The following CTNNA2 variants were observed in gnomAD, a reference collection of about 807,000 sequenced individuals.
The protein encoded by CTNNA2 is catenin alpha 2, also known as catenin alpha-2.
CTNNA2 carries 42 observed loss-of-function variants against 101.0 expected under a neutral mutation model. That is an observed-to-expected ratio of 0.42 (90% CI 0.32 to 0.54). The LOEUF (loss-of-function observed/expected upper bound fraction) is 0.54. Ranked by LOEUF, CTNNA2 falls within the 20% of genes least tolerant of loss-of-function variation. The pLI is 0.14. For synonymous variants in CTNNA2, 450 were observed against 456.4 expected, an observed-to-expected ratio of 0.99 and a Z score of 0.18; for missense variants, 871 against 1,223.1, an observed-to-expected ratio of 0.71 and a Z score of 4.29.
At chr2:80,028,042 C>A (rs1413196209) in intron 7 of CTNNA2, 1 of 146,328 alleles carries the variant, frequency 6.8e-6, no homozygotes, top group Non-Finnish European at 1.5e-5. Flanking sequence ...TTAGTAACTT[C>A]ATGTAAGAGA....
chr2:79,688,508 A>G (rs185032284), intron 2 of CTNNA2, among the ~76,000 whole-genome samples: 280 of 152,180 alleles, frequency 1.8e-3, no homozygotes, highest in Middle Eastern at 0.01. Context: ...ATATGTATAT[A>G]TGTATGTAGT....
Position 80,647,540 on chromosome 2 carries a change from G to A in CTNNA2, c.2575-45G>A. The A allele has an allele frequency of 5.5e-6, 8 of 1,450,022 alleles. No homozygotes were observed. The South Asian group carries it at 7.1e-5, about 13-fold the overall frequency. The allele number at this position is 1,450,022 out of a possible 1,614,324, so 89.8% of individuals were successfully genotyped here. A position where few individuals can be genotyped will look rare whatever the true frequency, so the allele number is the denominator to read the frequency against. On this transcript the variant is annotated intron_variant, in intron 18 of 18. Coordinates refer to ENST00000402739, the MANE Select transcript of CTNNA2 (RefSeq NM_001282597.3). ...AGTACATCACCATTTTGTGAATTTG[G>A]GGCCTCCATTAACCCACATGTATCT...
chr2:79,354,337 A>T (rs1364999305), intron 3 of CTNNA2, among the ~76,000 whole-genome samples: 2 of 152,168 alleles, frequency 1.3e-5, no homozygotes. Flanking sequence ...TGGCTTCTGT[A>T]CATAATCTCA....
chr2:79,982,472 TACACACACAC>T (rs60316453), intron 7 of CTNNA2, among the ~76,000 whole-genome samples: 5 of 139,716 alleles, frequency 3.6e-5, no homozygotes, highest in African/African-American at 1.3e-4. Context: ...GACTCCTAAC[TACACACACAC>T]ACACACACAC....
chr2:79,220,937 TAAAC>T (rs1316761930), intron 2 of CTNNA2, among the ~76,000 whole-genome samples: 4 of 152,258 alleles, frequency 2.6e-5, no homozygotes, highest in South Asian at 2.1e-4. Flanking sequence ...TACTGAGAAA[TAAAC>T]AAGCAATAAA....
intron 17 of CTNNA2, among the ~76,000 whole-genome samples, 155 bp from the exon 18 acceptor site, chr2:80,618,930 T>C (rs1203912841): frequency 6.6e-6 from 1 of 151,792 alleles, no homozygotes; most frequent in African/African-American, 2.4e-5. Flanking sequence ...CCCATATGTA[T>C]ATCTCTTTCA....
intron 2 of CTNNA2, among the ~76,000 whole-genome samples, chr2:79,277,635 A>G (rs1675247642): frequency 6.6e-6 from 1 of 152,128 alleles, no homozygotes; most frequent in South Asian, 2.1e-4. Flanking sequence ...CTCATTTTAC[A>G]CATTAAAAAA....
At chr2:79,342,600 C>T (rs781605776) in intron 3 of CTNNA2, among the ~76,000 whole-genome samples, 68 of 152,240 alleles carry the variant, frequency 4.5e-4, no homozygotes, top group Admixed American at 1.6e-3. Flanking sequence ...TCTAGGGGTA[C>T]ATTTGCAATT....
chr2:80,061,136 C>G (rs1037601656), intron 7 of CTNNA2, among the ~76,000 whole-genome samples: 1 of 152,048 alleles, frequency 6.6e-6, no homozygotes, highest in Admixed American at 6.6e-5. Context: ...CCCAGGTAAC[C>G]TAAAGACAAG....
chr2:79,551,193 A>G (rs552540038), intron 1 of CTNNA2, among the ~76,000 whole-genome samples: 2 of 152,314 alleles, frequency 1.3e-5, no homozygotes, highest in Non-Finnish European at 2.9e-5. Flanking sequence ...AGATAGACCC[A>G]GGAAAAAGAA....
chr2:79,744,419 C>T lies in CTNNA2; in HGVS notation c.135C>T (p.Gly45=). Residue 45 remains glycine, a synonymous_variant, in exon 3 of 19, where the codon GGC becomes GGT. Coordinates refer to ENST00000402739, the MANE Select transcript of CTNNA2 (RefSeq NM_001282597.3). ...CACTTGTCAACACAAGCAACAAAGG[C>T]CCATCTGGTAAAAAGAAAGGGAGGT... ...VTTLVNTSNK[G]PSGKKKGRSK... 1 of 1,613,652 alleles carries T rather than the reference C, an allele frequency of 6.2e-7. No homozygotes were observed. Among genetic ancestry groups the T allele is most frequent in the Non-Finnish European group, 8.5e-7 (1 of 1,179,848 alleles).
chr2:79,909,897 G>T, intron 7 of CTNNA2, 100 bp downstream of exon 7: 2 of 1,225,710 alleles, frequency 1.6e-6, no homozygotes, highest in Non-Finnish European at 2.2e-6. Flanking sequence ...GAACAGACCA[G>T]GTGTTTACCA....
intron 7 of CTNNA2, among the ~76,000 whole-genome samples, chr2:80,372,942 C>T (rs1675587227): frequency 6.6e-6 from 1 of 152,156 alleles, no homozygotes; most frequent in Non-Finnish European, 1.5e-5. Flanking sequence ...GTTAAATATT[C>T]TACAATGCCT....
intron 2 of CTNNA2, among the ~76,000 whole-genome samples, chr2:79,655,683 G>A (rs1180827707): frequency 6.6e-6 from 1 of 151,950 alleles, no homozygotes; most frequent in Non-Finnish European, 1.5e-5. Context: ...ACAAAACTTA[G>A]ACAGGCATGG....
intron 6 of CTNNA2, among the ~76,000 whole-genome samples, chr2:79,875,075 CCT>C (rs1682908772): frequency 1.3e-5 from 2 of 152,120 alleles, no homozygotes; most frequent in South Asian, 4.1e-4. Context: ...TAGAACAGAC[CCT>C]CTGGGGAGAG....
At chr2:80,092,120 G>A (rs978312324) in intron 7 of CTNNA2, among the ~76,000 whole-genome samples, 4 of 152,048 alleles carry the variant, frequency 2.6e-5, no homozygotes, top group Admixed American at 6.6e-5. Flanking sequence ...CTGCCTCCAC[G>A]TTTGCTGGGA....
At chr2:80,290,761 C>T (rs3943622) in intron 7 of CTNNA2, among the ~76,000 whole-genome samples, 20 of 151,988 alleles carry the variant, frequency 1.3e-4, no homozygotes, top group Admixed American at 2.6e-4. Context: ...CCATTTTGCT[C>T]TTGTTGTGAA....
chr2:80,518,761 T>G (rs1292033843), intron 9 of CTNNA2, among the ~76,000 whole-genome samples: 6 of 152,200 alleles, frequency 3.9e-5, no homozygotes, highest in East Asian at 3.8e-4. Flanking sequence ...AAAATTTGAT[T>G]CCTGAAGGAA....
chr2:80,153,053 C>A (rs1703800801), intron 7 of CTNNA2, among the ~76,000 whole-genome samples: 1 of 152,168 alleles, frequency 6.6e-6, no homozygotes, highest in South Asian at 2.1e-4. Context: ...CTTCCTGCTC[C>A]CGCAGAACAC....
Sources: allele counts gnomAD v4.1 joint callset (sites outside exome capture counted in the v4.1 genomes callset), GRCh38; gene constraint gnomAD v4.1.1; transcripts MANE v1.5; gene names NCBI Gene and HGNC (gene_info 2026-07-23, HGNC 2026-07-21).